The following VAT1L variants were observed in gnomAD, a reference collection of about 807,000 sequenced individuals.
VAT1L encodes vesicle amine transport 1 like.
Under a neutral mutation model 44.1 loss-of-function variants are expected in VAT1L, and 34 were observed. The ratio of observed to expected loss-of-function variants is 0.77; its 90% confidence interval spans 0.59 to 1.03. The LOEUF is 1.03. Ranked by LOEUF, VAT1L falls within the 50% of genes least tolerant of loss-of-function variation. The pLI is 0.00. For synonymous variants in VAT1L, 253 were observed against 202.2 expected (o/e 1.25, Z -2.13); for missense variants, 615 against 538.8 (o/e 1.14, Z -1.40).
intron 1 of VAT1L, among the ~76,000 whole-genome samples, chr16:77,809,406 G>A (rs369488443): frequency 6.6e-6 from 1 of 152,148 alleles, no homozygotes; most frequent in South Asian, 2.1e-4. Flanking sequence ...GCCTCCAACA[G>A]TCACAAAGCC....
chr16:77,844,479 G>T (rs1481494433), intron 3 of VAT1L, among the ~76,000 whole-genome samples: 1 of 152,036 alleles, frequency 6.6e-6, no homozygotes, highest in East Asian at 1.9e-4. Flanking sequence ...CGCTATCTCA[G>T]CTCCCTGCAA....
At chr16:77,960,702 G>A (rs571808013) in intron 7 of VAT1L, among the ~76,000 whole-genome samples, 35 of 152,162 alleles carry the variant, frequency 2.3e-4, no homozygotes, top group Non-Finnish European at 4.0e-4. Flanking sequence ...AGAGGCCAGA[G>A]AATGGAAGAG....
intron 7 of VAT1L, among the ~76,000 whole-genome samples, chr16:77,911,154 A>C (rs901373813): frequency 1.3e-5 from 2 of 152,242 alleles, no homozygotes; most frequent in Admixed American, 6.5e-5. Flanking sequence ...CCAGAATCCT[A>C]GCTGATTCAC....
intron 7 of VAT1L, among the ~76,000 whole-genome samples, chr16:77,906,463 T>A (rs2017437840): frequency 6.6e-6 from 1 of 152,170 alleles, no homozygotes; most frequent in South Asian, 2.1e-4. Context: ...TAGTTTGGGA[T>A]CGCCTCAAAT....
At chr16:77,940,419 CT>C (rs2017866726) in intron 7 of VAT1L, among the ~76,000 whole-genome samples, 1 of 146,280 alleles carries the variant, frequency 6.8e-6, no homozygotes, top group Non-Finnish European at 1.5e-5. Flanking sequence ...TCTTGGCTCA[CT>C]GCAACCTCTG....
intron 7 of VAT1L, among the ~76,000 whole-genome samples, chr16:77,937,035 C>A (rs1005282292): frequency 6.6e-6 from 1 of 152,170 alleles, no homozygotes; most frequent in Admixed American, 6.5e-5. Flanking sequence ...CAGGTGCATG[C>A]CACCACGCCC....
intron 7 of VAT1L, among the ~76,000 whole-genome samples, chr16:77,968,468 G>A (rs933321535): frequency 3.9e-5 from 6 of 152,202 alleles, no homozygotes; most frequent in Non-Finnish European, 8.8e-5. Context: ...GCTCACGCCT[G>A]TAATCCCAGC....
chr16:77,855,263 C>G (rs2016846185), intron 3 of VAT1L, among the ~76,000 whole-genome samples: 1 of 151,722 alleles, frequency 6.6e-6, no homozygotes. Flanking sequence ...TCGCTCGAAC[C>G]CGGGAAGCAG....
rs541207404 is a variant in VAT1L, at chr16:77,969,318, C to T, written c.1078-2532C>T. ...CAAGTCCCAGCCTCATTTTCCTAGC[C>T]CTCACTCAGGACAGAGTTGCTCTGG... On this transcript the variant is annotated intron_variant, in intron 7 of 8. Transcript: ENST00000302536. Among the ~76,000 whole-genome samples the T allele has an allele frequency of 2.0e-5, 3 of 152,010 alleles. No homozygotes were observed. In the East Asian group the frequency reaches 5.8e-4, roughly 30 times the overall value.
chr16:77,915,944 G>C (rs1376344045), intron 7 of VAT1L, among the ~76,000 whole-genome samples: 1 of 152,082 alleles, frequency 6.6e-6, no homozygotes, highest in South Asian at 2.1e-4. Flanking sequence ...AATCCTACTG[G>C]GGCGCTATGA....
chr16:77,897,810 G>C (rs151235893), intron 7 of VAT1L, among the ~76,000 whole-genome samples: 4 of 152,272 alleles, frequency 2.6e-5, no homozygotes, highest in African/African-American at 9.6e-5. Context: ...CTTCCTAGTG[G>C]TTTGTCCTGT....
intron 1 of VAT1L, among the ~76,000 whole-genome samples, chr16:77,805,672 G>T (rs1314449686): frequency 6.6e-6 from 1 of 151,054 alleles, no homozygotes; most frequent in Non-Finnish European, 1.5e-5. Flanking sequence ...GGCTGGTAAA[G>T]CTTTCTATTG....
At chr16:77,943,722 G>T (rs1452660385) in intron 7 of VAT1L, among the ~76,000 whole-genome samples, 1 of 152,046 alleles carries the variant, frequency 6.6e-6, no homozygotes, top group Non-Finnish European at 1.5e-5. Flanking sequence ...TCCTAAAGTA[G>T]CCCTAGCATT....
At chr16:77,833,644 G>A (rs2016606735) in intron 3 of VAT1L, among the ~76,000 whole-genome samples, 1 of 152,080 alleles carries the variant, frequency 6.6e-6, no homozygotes, top group Admixed American at 6.5e-5. Flanking sequence ...CCAGCTACTA[G>A]GGAGGCTGAG....
chr16:77,953,872 T>G (rs963395405), intron 7 of VAT1L, among the ~76,000 whole-genome samples: 4 of 152,158 alleles, frequency 2.6e-5, no homozygotes, highest in African/African-American at 7.2e-5. Context: ...GTTTCCTTCC[T>G]TGAAAAGAAA....
At chr16:77,801,716 A>C (rs1401415864) in intron 1 of VAT1L, 93 of 1,270 alleles carry the variant, frequency 0.073, no homozygotes, top group Middle Eastern at 0.25. Flanking sequence ...CTTTCATTTA[A>C]AAAAAAAAAA....
At chr16:77,848,350 C>T (rs192186106) in intron 3 of VAT1L, among the ~76,000 whole-genome samples, 3 of 152,270 alleles carry the variant, frequency 2.0e-5, no homozygotes, top group Admixed American at 2.0e-4. Flanking sequence ...GAGTGGATGA[C>T]TCAAGGACAT....
chr16:77,899,446 T>A (rs2017358303), intron 7 of VAT1L, among the ~76,000 whole-genome samples: 1 of 152,220 alleles, frequency 6.6e-6, no homozygotes, highest in African/African-American at 2.4e-5. Context: ...CTCAAACCTT[T>A]CTGCATCTGT....
intron 7 of VAT1L, among the ~76,000 whole-genome samples, chr16:77,920,658 C>G (rs1325834876): frequency 6.6e-6 from 1 of 152,130 alleles, no homozygotes; most frequent in East Asian, 1.9e-4. Flanking sequence ...CCATAAAATT[C>G]TAATACCATA....
Sources: allele counts gnomAD v4.1 joint callset (sites outside exome capture counted in the v4.1 genomes callset), GRCh38; gene constraint gnomAD v4.1.1; transcripts MANE v1.5; gene names NCBI Gene and HGNC (gene_info 2026-07-23, HGNC 2026-07-21).